EDIL3: variants seen among roughly 807,000 people sequenced by gnomAD.
The protein encoded by EDIL3 is EGF like and discoidin domains 3.
In EDIL3, 37 loss-of-function variants were observed where a neutral mutation model predicts 67.4. That is an observed-to-expected ratio of 0.55 (90% CI 0.42 to 0.72). EDIL3 has a LOEUF of 0.72. Among genes scored for constraint, EDIL3 ranks in the 30% least tolerant of loss-of-function variants. The pLI is 0.00. For missense variants in EDIL3, 527 were observed against 586.3 expected (o/e 0.90, Z 1.04); for synonymous variants, 195 against 196.3 (o/e 0.99, Z 0.05).
chr5:84,282,128 C>T (rs1205045866), intron 1 of EDIL3, among the ~76,000 whole-genome samples: 1 of 151,860 alleles, frequency 6.6e-6, no homozygotes. Context: ...ACCTCAGCCT[C>T]CCAAAGTGCT....
intron 4 of EDIL3, among the ~76,000 whole-genome samples, chr5:84,179,338 G>T (rs1748975068): frequency 6.6e-6 from 1 of 152,174 alleles, no homozygotes; most frequent in South Asian, 2.1e-4. Context: ...TCATTGCTTT[G>T]TTGGTGATCT....
intron 3 of EDIL3, among the ~76,000 whole-genome samples, chr5:84,196,303 C>T (rs1743701777): frequency 6.6e-6 from 1 of 151,922 alleles, no homozygotes; most frequent in South Asian, 2.1e-4. Context: ...GTTTCCTCTC[C>T]CTGAGATGCT....
intron 5 of EDIL3, among the ~76,000 whole-genome samples, chr5:84,107,527 C>T (rs1747485814): frequency 2.0e-5 from 3 of 151,402 alleles, no homozygotes; most frequent in Admixed American, 1.3e-4. Flanking sequence ...TATTAAAATA[C>T]TTATTAGCAC....
At chr5:84,384,189 G>C in intron 1 of EDIL3, 119 bp downstream of exon 1, 1 of 1,300,322 alleles carries the variant, frequency 7.7e-7, no homozygotes, top group East Asian at 2.5e-5. Context: ...CCTCCGCGCC[G>C]CCAGCGGCGC....
intron 10 of EDIL3, among the ~76,000 whole-genome samples, chr5:83,961,785 C>T (rs935018985): frequency 6.6e-6 from 1 of 151,264 alleles, no homozygotes; most frequent in African/African-American, 2.4e-5. Flanking sequence ...TTGTCTATAG[C>T]TCACAAAATA....
intron 5 of EDIL3, among the ~76,000 whole-genome samples, chr5:84,132,233 G>A (rs1444284043): frequency 7.6e-6 from 1 of 131,390 alleles, no homozygotes; most frequent in Non-Finnish European, 1.6e-5. Context: ...GAGAGACTCC[G>A]TCTTTAAAAA....
intron 1 of EDIL3, among the ~76,000 whole-genome samples, chr5:84,312,469 G>A (rs1363555852): frequency 7.2e-6 from 1 of 139,738 alleles, no homozygotes; most frequent in Non-Finnish European, 1.5e-5. Context: ...GGGCAGAGGC[G>A]CTCCTCACCT....
chr5:84,198,695 C>A (rs1743770534), intron 3 of EDIL3, among the ~76,000 whole-genome samples: 1 of 151,898 alleles, frequency 6.6e-6, no homozygotes, highest in Non-Finnish European at 1.5e-5. Context: ...AAGGAAGATT[C>A]CTAAGAATAT....
chr5:84,266,433 GTCTA>G (rs754393197), intron 1 of EDIL3, among the ~76,000 whole-genome samples: 1 of 152,158 alleles, frequency 6.6e-6, no homozygotes, highest in Non-Finnish European at 1.5e-5. Context: ...GACCTTATCT[GTCTA>G]TCTCTTTTCT....
intron 9 of EDIL3, among the ~76,000 whole-genome samples, chr5:84,000,393 A>G (rs1745312002): frequency 6.6e-6 from 1 of 152,198 alleles, no homozygotes; most frequent in Middle Eastern, 3.2e-3. Context: ...AACAACAAAA[A>G]GTGAAAAAGC....
chr5:84,280,550 C>T (rs1749259310), intron 1 of EDIL3, among the ~76,000 whole-genome samples: 1 of 152,128 alleles, frequency 6.6e-6, no homozygotes, highest in Admixed American at 6.5e-5. Flanking sequence ...GTCGGCACTG[C>T]ACTGTGGTTA....
intron 9 of EDIL3, among the ~76,000 whole-genome samples, chr5:84,027,780 A>C (rs1370723697): frequency 6.6e-6 from 1 of 152,074 alleles, no homozygotes; most frequent in Non-Finnish European, 1.5e-5. Context: ...ATGATATTGC[A>C]GAGGCAATAT....
chr5:84,322,435 A>C (rs1243987092), intron 1 of EDIL3, among the ~76,000 whole-genome samples: 1 of 152,142 alleles, frequency 6.6e-6, no homozygotes, highest in Non-Finnish European at 1.5e-5. Context: ...AGAAATGAAA[A>C]ATTCATTAGA....
Position 84,111,152 on chromosome 5 carries a change from C to G in EDIL3, c.470-4322G>C, listed in dbSNP as rs548777146. On this transcript the variant is annotated intron_variant, in intron 5 of 10. Coordinates refer to ENST00000296591, the MANE Select transcript of EDIL3 (RefSeq NM_005711.5). The stretch of plus-strand genomic sequence containing the variant: ...GCTTGCTTCCCCTTTGCCCTTCCCC[C>G]ATGATTGTAAGTTTCCTGAAGCCTC... Among the ~76,000 whole-genome samples the G allele has an allele frequency of 2.0e-5, 3 of 152,246 alleles. No individual in the cohort carries two copies. In the East Asian group the frequency reaches 5.8e-4, roughly 29 times the overall value.
Position 84,349,092 on chromosome 5 carries a change from C to A in EDIL3, c.67+35216G>T, listed in dbSNP as rs565165267. On this transcript the variant is annotated intron_variant, in intron 1 of 10. Transcript: ENST00000296591. ...TCTCTTTACTATATAATGTAACATTCCTTTTAAGAGCTGAATAATATTCTT... is the reference window on the plus strand; with the variant it reads ...TCTCTTTACTATATAATGTAACATTACTTTTAAGAGCTGAATAATATTCTT... Among the ~76,000 whole-genome samples, 12 of 152,188 alleles carry A rather than the reference C, an allele frequency of 7.9e-5. No homozygotes were observed. In the East Asian group the frequency reaches 2.3e-3, roughly 29 times the overall value.
intron 9 of EDIL3, among the ~76,000 whole-genome samples, chr5:84,007,996 G>A (rs968289922): frequency 4.6e-5 from 7 of 152,080 alleles, no homozygotes; most frequent in African/African-American, 1.7e-4. Flanking sequence ...TAAAACTGGA[G>A]GACATCACGT....
chr5:84,111,045 G>GT (rs1747554906), intron 5 of EDIL3, among the ~76,000 whole-genome samples: 1 of 152,108 alleles, frequency 6.6e-6, no homozygotes, highest in Non-Finnish European at 1.5e-5. Context: ...TCTCATAATG[G>GT]TGAGTTCTCA....
intron 3 of EDIL3, among the ~76,000 whole-genome samples, chr5:84,189,886 C>T (rs2112366400): frequency 6.6e-6 from 1 of 152,072 alleles, no homozygotes; most frequent in East Asian, 1.9e-4. Flanking sequence ...AATGTTGCTG[C>T]TTGGTTTTCT....
intron 3 of EDIL3, 133 bp downstream of exon 3, chr5:84,229,722 A>C (rs1744528130): frequency 1.1e-6 from 1 of 892,236 alleles, no homozygotes; most frequent in Non-Finnish European, 1.7e-6. Flanking sequence ...AGCAAATATA[A>C]AAGTAAATAA....
Sources: gnomAD v4.1 joint callset for allele counts (sites outside exome capture counted in the v4.1 genomes callset) on GRCh38, gnomAD v4.1.1 for gene constraint, MANE v1.5 for transcripts, NCBI Gene and HGNC (gene_info 2026-07-23, HGNC 2026-07-21) for gene names.